The following PKNOX2 variants were observed in gnomAD, a reference collection of about 807,000 sequenced individuals.
PKNOX2 encodes PBX/knotted 1 homeobox 2.
A neutral mutation model predicts 53.1 loss-of-function variants in PKNOX2; 14 were observed. That is an observed-to-expected ratio of 0.26 (90% CI 0.17 to 0.41). PKNOX2 has a LOEUF of 0.41. PKNOX2 is among the 10% of genes least tolerant of loss of function. The probability of loss-of-function intolerance (pLI) is 1.00; values close to 1 mark genes in which losing one functional copy is unlikely to be tolerated. For synonymous variants in PKNOX2, 257 were observed against 242.8 expected (o/e 1.06, Z -0.54); for missense variants, 496 against 602.8 (o/e 0.82, Z 1.85).
chr11:125,431,020 G>A, intron 12 of PKNOX2, 146 bp from the exon 13 acceptor site: 2 of 1,415,892 alleles, frequency 1.4e-6, no homozygotes, highest in South Asian at 3.0e-5. Context: ...CTTCATACCA[G>A]GGCATTGTCC....
At chr11:125,321,271 T>C (rs1242490381) in intron 2 of PKNOX2, among the ~76,000 whole-genome samples, 1 of 152,204 alleles carries the variant, frequency 6.6e-6, no homozygotes, top group Non-Finnish European at 1.5e-5. Flanking sequence ...GTTCAGGTCT[T>C]GTGTTGCAAC....
intron 2 of PKNOX2, among the ~76,000 whole-genome samples, chr11:125,251,487 C>T (rs1028664183): frequency 1.3e-5 from 2 of 152,060 alleles, no homozygotes; most frequent in African/African-American, 4.8e-5. Context: ...AACTTTTCAG[C>T]GACAAAGATG....
At chr11:125,376,425 A>C (rs1235713790) in intron 5 of PKNOX2, among the ~76,000 whole-genome samples, 1 of 152,064 alleles carries the variant, frequency 6.6e-6, no homozygotes, top group Non-Finnish European at 1.5e-5. Context: ...CAAGGGGAGG[A>C]GAAGCAGAGG....
intron 1 of PKNOX2, among the ~76,000 whole-genome samples, chr11:125,188,847 C>T (rs1255491322): frequency 2.6e-5 from 4 of 151,952 alleles, no homozygotes; most frequent in Non-Finnish European, 4.4e-5. Context: ...CATTCCTCCT[C>T]ATGCGCCGCC....
chr11:125,271,585 G>C (rs1370202328), intron 2 of PKNOX2, among the ~76,000 whole-genome samples: 7 of 152,140 alleles, frequency 4.6e-5, no homozygotes, highest in Admixed American at 2.6e-4. Flanking sequence ...CTGCTCACTT[G>C]GTTTTCAGAG....
chr11:125,187,244 T>A (rs1259833040), intron 1 of PKNOX2, among the ~76,000 whole-genome samples: 1 of 152,222 alleles, frequency 6.6e-6, no homozygotes. Context: ...CCGTTTTTTT[T>A]CAAGAGACTG....
chr11:125,306,673 G>C (rs1948483296), intron 2 of PKNOX2, among the ~76,000 whole-genome samples: 1 of 152,186 alleles, frequency 6.6e-6, no homozygotes, highest in Non-Finnish European at 1.5e-5. Context: ...TAAATGACTT[G>C]CCGAGTGTGC....
intron 9 of PKNOX2, 129 bp downstream of exon 9, chr11:125,411,005 C>A: frequency 1.3e-6 from 1 of 754,890 alleles, no homozygotes; most frequent in Non-Finnish European, 2.2e-6. Flanking sequence ...GGTATCATTA[C>A]CCCTACTTTA....
chr11:125,422,087 A>G lies in PKNOX2; in HGVS notation c.937-6925A>G, dbSNP rs1427171733. ...GAAAAAGGAGGGGTCATTTTGGATG[A>G]CAATTATCTCTTAGATAATCATCAA... On this transcript the variant is annotated intron_variant, in intron 10 of 12. Transcript: ENST00000298282. This position sits in a 1 kb window ranked among gnomAD's most constrained non-coding sequence, Gnocchi z 4.1. Among the ~76,000 whole-genome samples the G allele has an allele frequency of 6.6e-6, 1 of 152,180 alleles. No homozygotes were observed. The highest frequency in any genetic ancestry group is 1.5e-5 in the Non-Finnish European group (1 of 68,026).
intron 2 of PKNOX2, among the ~76,000 whole-genome samples, chr11:125,285,947 A>G (rs191051603): frequency 1.6e-3 from 249 of 152,280 alleles, no homozygotes; most frequent in Non-Finnish European, 3.0e-3. Context: ...ACATTCAGCA[A>G]CTTCACATTG....
At chr11:125,312,621 G>C (rs1948885794) in intron 2 of PKNOX2, among the ~76,000 whole-genome samples, 2 of 152,204 alleles carry the variant, frequency 1.3e-5, no homozygotes, top group Non-Finnish European at 2.9e-5. Context: ...ACCGCACCCT[G>C]CCTGCCACCC....
chr11:125,390,168 G>C (rs1378206974), intron 6 of PKNOX2, among the ~76,000 whole-genome samples: 1 of 152,216 alleles, frequency 6.6e-6, no homozygotes, highest in East Asian at 1.9e-4. Context: ...CACTTACCAG[G>C]TGCCGGGTAC....
intron 2 of PKNOX2, among the ~76,000 whole-genome samples, chr11:125,310,492 C>T (rs919950769): frequency 6.7e-5 from 10 of 150,164 alleles, no homozygotes; most frequent in Admixed American, 6.6e-4. Context: ...GAGACTCTGT[C>T]TCAAAAAAAA....
chr11:125,295,882 C>G (rs1591516776), intron 2 of PKNOX2, among the ~76,000 whole-genome samples: 1 of 152,172 alleles, frequency 6.6e-6, no homozygotes, highest in Admixed American at 6.5e-5. Flanking sequence ...CGCCCCCGTT[C>G]AATATGTTAA....
intron 6 of PKNOX2, among the ~76,000 whole-genome samples, chr11:125,395,707 T>C (rs1309443791): frequency 6.6e-6 from 1 of 152,232 alleles, no homozygotes; most frequent in East Asian, 1.9e-4. Flanking sequence ...TGTGCTTATT[T>C]GCCATCTGTA....
intron 2 of PKNOX2, among the ~76,000 whole-genome samples, chr11:125,270,115 C>T (rs1268641816): frequency 6.6e-6 from 1 of 152,150 alleles, no homozygotes; most frequent in African/African-American, 2.4e-5. Flanking sequence ...AGCCATTGCC[C>T]CCTCAGGTTT....
intron 1 of PKNOX2, among the ~76,000 whole-genome samples, chr11:125,221,029 C>G (rs957531563): frequency 6.6e-6 from 1 of 152,150 alleles, no homozygotes; most frequent in African/African-American, 2.4e-5. Context: ...GTGGCGGGCA[C>G]CTGTAATCCC....
intron 1 of PKNOX2, among the ~76,000 whole-genome samples, chr11:125,176,740 T>A (rs1955735629): frequency 6.6e-6 from 1 of 152,118 alleles, no homozygotes; most frequent in African/African-American, 2.4e-5. Context: ...CAGCATCTTC[T>A]TTTCCATCCC....
chr11:125,379,719 G>T (rs184575464), intron 5 of PKNOX2, among the ~76,000 whole-genome samples: 2 of 152,020 alleles, frequency 1.3e-5, no homozygotes, highest in East Asian at 3.9e-4. Context: ...CGCCTCTCCC[G>T]GGGACAGCTG....
Sources: allele counts gnomAD v4.1 joint callset (sites outside exome capture counted in the v4.1 genomes callset), GRCh38; gene constraint gnomAD v4.1.1; non-coding constraint Gnocchi (gnomAD v3.1); transcripts MANE v1.5; gene names NCBI Gene and HGNC (gene_info 2026-07-23, HGNC 2026-07-21).